MYRIP: variants seen among roughly 807,000 people sequenced by gnomAD.
The protein encoded by MYRIP is rab effector MyRIP.
MYRIP carries 49 observed loss-of-function variants against 98.0 expected under a neutral mutation model. The ratio of observed to expected loss-of-function variants is 0.50; its 90% confidence interval spans 0.40 to 0.63. The LOEUF (loss-of-function observed/expected upper bound fraction) is 0.63, where lower values mean the gene tolerates loss of function less well. Among genes scored for constraint, MYRIP ranks in the 30% least tolerant of loss-of-function variants. The probability of loss-of-function intolerance (pLI) is 0.00; values close to 1 mark genes in which losing one functional copy is unlikely to be tolerated. For synonymous variants in MYRIP, 404 were observed against 409.5 expected (o/e 0.99, Z 0.16); for missense variants, 1,004 against 1,058.2 (o/e 0.95, Z 0.71).
chr3:40,249,476 C>T (rs1450044956), intron 13 of MYRIP, among the ~76,000 whole-genome samples: 3 of 152,204 alleles, frequency 2.0e-5, no homozygotes, highest in Admixed American at 6.5e-5. Context: ...GATAATGGTA[C>T]TTACTTCATA....
rs1416435460 is a variant in MYRIP at position 40,218,651 on chromosome 3, T to C, written c.1905+8558T>C. Among the ~76,000 whole-genome samples, 12 of 124,816 alleles carry C rather than the reference T, an allele frequency of 9.6e-5. 1 individual carries two copies. The East Asian group carries it at 2.2e-3, about 23-fold the overall frequency. The allele number at this position is 124,816 out of a possible 152,430, so 81.9% of individuals were successfully genotyped here. A position where few individuals can be genotyped will look rare whatever the true frequency, so the allele number is the denominator to read the frequency against. Reference sequence around the variant, plus strand: ...ATATATATATATATATATATATATATATATACATACACACACATACATAAT... The same window carrying C: ...ATATATATATATATATATATATATACATATACATACACACACATACATAAT... On this transcript the variant is annotated intron_variant, in intron 11 of 16. Transcript: ENST00000302541.
At chr3:40,069,222 C>T (rs1462980849) in intron 3 of MYRIP, among the ~76,000 whole-genome samples, 1 of 152,110 alleles carries the variant, frequency 6.6e-6, no homozygotes, top group African/African-American at 2.4e-5. Flanking sequence ...CTTCTCCCCC[C>T]ATATCCTGGC....
chr3:40,134,131 C>T (rs4266121), intron 3 of MYRIP, among the ~76,000 whole-genome samples: 52,728 of 152,062 alleles, frequency 0.35, 11,403 homozygotes, highest in Non-Finnish European at 0.48. Context: ...ATTCCCTTTC[C>T]GAGTCAAAAA....
intron 1 of MYRIP, among the ~76,000 whole-genome samples, chr3:39,900,482 T>C (rs1943715885): frequency 6.6e-6 from 1 of 152,114 alleles, no homozygotes; most frequent in Non-Finnish European, 1.5e-5. Flanking sequence ...AGATATTGCC[T>C]TTTGGCATTT....
intron 3 of MYRIP, among the ~76,000 whole-genome samples, chr3:40,050,105 G>C (rs1282601605): frequency 1.3e-5 from 2 of 152,168 alleles, no homozygotes; most frequent in Non-Finnish European, 2.9e-5. Context: ...AGGTTATCCA[G>C]AAGATCTAGC....
intron 2 of MYRIP, among the ~76,000 whole-genome samples, chr3:40,013,966 G>A (rs193150769): frequency 3.9e-5 from 6 of 152,240 alleles, no homozygotes; most frequent in Non-Finnish European, 5.9e-5. Flanking sequence ...CAGTGCCAGC[G>A]GCACTAAAAT....
At chr3:40,079,401 T>A (rs1948426446) in intron 3 of MYRIP, among the ~76,000 whole-genome samples, 2 of 152,206 alleles carry the variant, frequency 1.3e-5, no homozygotes, top group Non-Finnish European at 2.9e-5. Context: ...GTTGTTACGC[T>A]GAATTAGGGA....
chr3:40,093,420 G>A (rs528544991), intron 3 of MYRIP, among the ~76,000 whole-genome samples: 3 of 152,280 alleles, frequency 2.0e-5, no homozygotes, highest in South Asian at 4.1e-4. Flanking sequence ...CCACAGGACC[G>A]AACAGGGGCT....
At chr3:40,127,757 C>T (rs912790852) in intron 3 of MYRIP, among the ~76,000 whole-genome samples, 1 of 152,198 alleles carries the variant, frequency 6.6e-6, no homozygotes, top group African/African-American at 2.4e-5. Flanking sequence ...AGGAAGACTA[C>T]AGACACGGTA....
chr3:39,980,038 C>T (rs1377855074), intron 2 of MYRIP, among the ~76,000 whole-genome samples: 1 of 152,196 alleles, frequency 6.6e-6, no homozygotes, highest in Non-Finnish European at 1.5e-5. Context: ...AAATCAGTGT[C>T]AAATTAACAG....
In MYRIP at chr3:40,156,855, A is replaced by C. The variant is rs1012299788; in HGVS notation, c.469+5671A>C. 1.4e-3 allele frequency among the ~76,000 whole-genome samples: 218 copies of C among 152,086 alleles called. 1 individual carries two copies. Among genetic ancestry groups the C allele is most frequent in the Middle Eastern group, 3.4e-3 (1 of 292 alleles). On this transcript the variant is annotated intron_variant, in intron 4 of 16. Coordinates refer to ENST00000302541, the MANE Select transcript of MYRIP (RefSeq NM_015460.4). ...TGTACATTGATTTTGTATCCTGAAG[A>C]CTTTGCTGAAGTTGCTTATCAGCTT...
At chr3:39,920,710 G>C (rs1944285001) in intron 2 of MYRIP, among the ~76,000 whole-genome samples, 1 of 152,148 alleles carries the variant, frequency 6.6e-6, no homozygotes, top group South Asian at 2.1e-4. Context: ...AATACACAGG[G>C]GAAGCTTTTT....
intron 5 of MYRIP, among the ~76,000 whole-genome samples, chr3:40,164,238 C>T (rs1950458881): frequency 6.6e-6 from 1 of 152,178 alleles, no homozygotes; most frequent in Admixed American, 6.5e-5. Context: ...TCCTGCATAC[C>T]TCTCTGCTCA....
chr3:39,893,522 T>G lies in MYRIP; in HGVS notation c.-30-7265T>G, dbSNP rs559225823. 9.9e-5 allele frequency among the ~76,000 whole-genome samples: 15 copies of G among 152,254 alleles called. No individual in the cohort carries two copies. The South Asian group carries it at 3.1e-3, about 32-fold the overall frequency. ...AGTTTTCAGGCTGTTTCCTATAACATGATAATAACATTTATTTTCATTAAG... is the reference window on the plus strand; with the variant it reads ...AGTTTTCAGGCTGTTTCCTATAACAGGATAATAACATTTATTTTCATTAAG... On this transcript the variant is annotated intron_variant, in intron 1 of 16. Coordinates refer to ENST00000302541, the MANE Select transcript of MYRIP (RefSeq NM_015460.4).
chr3:40,189,968 C>G lies in MYRIP; in HGVS notation c.1170C>G (p.Tyr390Ter). ...TGGCCTCCAGTGTGGCATCTGCCTA[C>G]GATGAGATGGGCTCCGATAGCGAGG... is the stretch of plus-strand genomic sequence containing the variant. ...LEVASSVASA[Y>*]DEMGSDSEED... Residue 390 changes from tyrosine to a stop codon, truncating the protein, a stop_gained, in exon 10 of 17, where the codon TAC becomes TAG. Coordinates refer to ENST00000302541, the MANE Select transcript of MYRIP (RefSeq NM_015460.4). LOFTEE classifies it high-confidence loss of function. 1.9e-6 allele frequency: 3 copies of G among 1,614,110 alleles called. No homozygotes were observed. Among genetic ancestry groups the G allele is most frequent in the Non-Finnish European group, 2.5e-6 (3 of 1,180,038 alleles).
chr3:40,253,427 G>A (rs533557867), intron 16 of MYRIP, among the ~76,000 whole-genome samples: 82 of 152,126 alleles, frequency 5.4e-4, no homozygotes, highest in Non-Finnish European at 8.8e-4. Flanking sequence ...TCGTGAAGAG[G>A]CGGATATAAA....
At chr3:40,218,860 ATCT>A (rs1435005150) in intron 11 of MYRIP, among the ~76,000 whole-genome samples, 4 of 151,874 alleles carry the variant, frequency 2.6e-5, no homozygotes, top group Non-Finnish European at 5.9e-5. Flanking sequence ...ATTTCCAATC[ATCT>A]TAATGAGATT....
intron 2 of MYRIP, among the ~76,000 whole-genome samples, chr3:39,955,535 C>A (rs1454524152): frequency 2.0e-5 from 3 of 152,122 alleles, no homozygotes; most frequent in Non-Finnish European, 2.9e-5. Context: ...AAGCACTAAA[C>A]ATGGAAAAGA....
chr3:39,922,957 T>C (rs934377415), intron 2 of MYRIP, among the ~76,000 whole-genome samples: 10 of 134,608 alleles, frequency 7.4e-5, no homozygotes, highest in African/African-American at 2.6e-4. Flanking sequence ...ATTTCAAACA[T>C]ACTAGAAACA....
Sources: allele counts gnomAD v4.1 joint callset (sites outside exome capture counted in the v4.1 genomes callset), GRCh38; gene constraint gnomAD v4.1.1; transcripts MANE v1.5; gene names NCBI Gene and HGNC (gene_info 2026-07-23, HGNC 2026-07-21).